The following PTPRK variants were observed in gnomAD, a reference collection of about 807,000 sequenced individuals.
PTPRK encodes receptor-type tyrosine-protein phosphatase kappa.
Under a neutral mutation model 178.0 loss-of-function variants are expected in PTPRK, and 75 were observed. That is an observed-to-expected ratio of 0.42 (90% CI 0.35 to 0.51). PTPRK has a LOEUF of 0.51. PTPRK is among the 20% of genes least tolerant of loss of function. The pLI, the probability that PTPRK is intolerant of heterozygous loss-of-function variation, is 0.02. For missense variants in PTPRK, 1,441 were observed against 1,797.8 expected, an observed-to-expected ratio of 0.80 and a Z score of 3.59; for synonymous variants, 637 against 620.6, an observed-to-expected ratio of 1.03 and a Z score of -0.39.
intron 6 of PTPRK, among the ~76,000 whole-genome samples, chr6:128,205,777 CAAAA>C (rs57003128): frequency 1.3e-4 from 2 of 15,230 alleles, no homozygotes; most frequent in Admixed American, 6.6e-4. Flanking sequence ...CATCACAGAC[CAAAA>C]AAAAAAAAAA....
intron 2 of PTPRK, among the ~76,000 whole-genome samples, chr6:128,360,469 A>G (rs890983721): frequency 1.3e-5 from 2 of 152,202 alleles, no homozygotes; most frequent in Non-Finnish European, 2.9e-5. Flanking sequence ...CAAAACATTG[A>G]GATGTGATGA....
At chr6:128,351,927 A>G (rs565096660) in intron 2 of PTPRK, among the ~76,000 whole-genome samples, 15 of 152,094 alleles carry the variant, frequency 9.9e-5, no homozygotes, top group Admixed American at 2.6e-4. Flanking sequence ...ACATTTTTCT[A>G]TTGGGCCTTC....
chr6:128,030,444 C>A (rs1775119413), intron 13 of PTPRK, among the ~76,000 whole-genome samples: 1 of 152,204 alleles, frequency 6.6e-6, no homozygotes, highest in Admixed American at 6.5e-5. Context: ...GCTCAATCAG[C>A]AGTTGCTCAT....
chr6:128,424,015 G>GT (rs113280564), intron 1 of PTPRK, among the ~76,000 whole-genome samples: 4,852 of 150,832 alleles, frequency 0.032, 242 homozygotes, highest in African/African-American at 0.11. Flanking sequence ...GAGGCCAGGA[G>GT]TCAAGATCAG....
At chr6:128,236,174 G>T (rs1440877048) in intron 5 of PTPRK, among the ~76,000 whole-genome samples, 1 of 151,834 alleles carries the variant, frequency 6.6e-6, no homozygotes, top group Non-Finnish European at 1.5e-5. Flanking sequence ...AAATGGCTTA[G>T]TTCTAAAACT....
At chr6:128,067,842 G>A in intron 11 of PTPRK, 50 bp from the exon 12 acceptor site, 1 of 1,459,294 alleles carries the variant, frequency 6.9e-7, no homozygotes, top group Non-Finnish European at 9.1e-7. Context: ...CACATATTTA[G>A]AGATTTAAGA....
intron 14 of PTPRK, among the ~76,000 whole-genome samples, chr6:128,005,852 C>T (rs1484375763): frequency 6.7e-6 from 1 of 149,132 alleles, no homozygotes; most frequent in African/African-American, 2.5e-5. Context: ...AATACAATAT[C>T]CCTTTTTAAA....
At chr6:128,166,528 T>C (rs1799425514) in intron 7 of PTPRK, among the ~76,000 whole-genome samples, 1 of 151,736 alleles carries the variant, frequency 6.6e-6, no homozygotes, top group Admixed American at 6.6e-5. Flanking sequence ...GTTTTTAGAA[T>C]GTTATGAGTG....
At chr6:128,200,838 TGAGGAGGAGGGGGG>T (rs1254345602) in intron 6 of PTPRK, among the ~76,000 whole-genome samples, 1 of 104,592 alleles carries the variant, frequency 9.6e-6, no homozygotes, top group Admixed American at 1.0e-4. Flanking sequence ...AGAAGAAGGA[TGAGGAGGAGGGGGG>T]GAGGAGGAGG....
At chr6:128,381,682 G>A (rs546773452) in intron 2 of PTPRK, among the ~76,000 whole-genome samples, 1 of 152,086 alleles carries the variant, frequency 6.6e-6, no homozygotes, top group Admixed American at 6.6e-5. Flanking sequence ...CAGAGAGAGA[G>A]AGAAATGTTA....
Position 127,973,150 on chromosome 6 carries a change from C to T in PTPRK, c.4141G>A (p.Gly1381Ser), listed in dbSNP as rs1018096744. The T allele has an allele frequency of 2.5e-6, 4 of 1,613,454 alleles. No individual in the cohort carries two copies. In the African/African-American group the frequency reaches 5.3e-5, roughly 22 times the overall value. Residue 1381 changes from glycine (G) to serine (S), a missense_variant, in exon 29 of 30, where the codon GGC (glycine) becomes AGC (serine). Transcript: ENST00000368226. ...GRTIIHCLNG[G>S]GRSGMFCAIG... ...GCACAGAACATGCCACTTCGCCCGC[C>T]ACCATTTCTGAAAGCAAAGAAAGCA... is the stretch of plus-strand genomic sequence containing the variant.
At chr6:128,447,394 T>C (rs773458481) in intron 1 of PTPRK, among the ~76,000 whole-genome samples, 1 of 152,238 alleles carries the variant, frequency 6.6e-6, no homozygotes, top group Non-Finnish European at 1.5e-5. Context: ...GATCATTTCA[T>C]TAAATGCTCA....
intron 1 of PTPRK, among the ~76,000 whole-genome samples, chr6:128,505,410 C>T (rs1334074520): frequency 6.6e-6 from 1 of 151,614 alleles, no homozygotes; most frequent in East Asian, 2.0e-4. Context: ...CATTGCACTC[C>T]AGCCTGGGCA....
intron 13 of PTPRK, among the ~76,000 whole-genome samples, chr6:128,050,589 G>GC (rs1278458680): frequency 6.6e-6 from 1 of 152,142 alleles, no homozygotes; most frequent in Non-Finnish European, 1.5e-5. Flanking sequence ...ACATTATGAT[G>GC]CTGATTATTT....
At chr6:128,364,039 T>C (rs1835132348) in intron 2 of PTPRK, among the ~76,000 whole-genome samples, 2 of 152,112 alleles carry the variant, frequency 1.3e-5, no homozygotes, top group South Asian at 2.1e-4. Context: ...CTATAAGAGT[T>C]AGTAATTAGC....
At chr6:127,974,184 C>A (rs546263338) in intron 27 of PTPRK, among the ~76,000 whole-genome samples, 1 of 152,316 alleles carries the variant, frequency 6.6e-6, no homozygotes, top group South Asian at 2.1e-4. Flanking sequence ...CCTGAATAAA[C>A]TTTGATCTCC....
chr6:128,216,218 C>A (rs1394077725), intron 6 of PTPRK, among the ~76,000 whole-genome samples: 1 of 152,022 alleles, frequency 6.6e-6, no homozygotes, highest in East Asian at 1.9e-4. Flanking sequence ...AATCACAAAA[C>A]TTATGGCAGG....
At position 128,115,220 on chromosome 6, in the gene PTPRK, T is replaced by C. The variant is rs530520522; in HGVS notation, c.1163-25228A>G. ...GCTCAGCATACCTGACTGGACACAG[T>C]CATTTACTCTTGGTTTCTAAGTCAA... is the stretch of plus-strand genomic sequence containing the variant. On this transcript the variant is annotated intron_variant, in intron 7 of 29. Coordinates refer to ENST00000368226, the MANE Select transcript of PTPRK (RefSeq NM_002844.4). Among the ~76,000 whole-genome samples the C allele has an allele frequency of 4.1e-4, 63 of 152,262 alleles. 1 individual carries two copies. Among genetic ancestry groups the C allele is most frequent in the East Asian group, 7.7e-4 (4 of 5,184 alleles).
At chr6:128,185,501 C>T (rs974952376) in intron 6 of PTPRK, among the ~76,000 whole-genome samples, 4 of 151,876 alleles carry the variant, frequency 2.6e-5, no homozygotes, top group African/African-American at 9.7e-5. Context: ...AATGAGACAC[C>T]GAACTTTATG....
Sources: gnomAD v4.1 joint callset for allele counts (sites outside exome capture counted in the v4.1 genomes callset) on GRCh38, gnomAD v4.1.1 for gene constraint, MANE v1.5 for transcripts, NCBI Gene and HGNC (gene_info 2026-07-23, HGNC 2026-07-21) for gene names.